Variants in SLC24A2 observed in about 807,000 individuals in gnomAD.
SLC24A2 encodes sodium/potassium/calcium exchanger 2.
SLC24A2 carries 36 observed loss-of-function variants against 62.0 expected under a neutral mutation model. That is an observed-to-expected ratio of 0.58 (90% CI 0.44 to 0.77). The LOEUF (loss-of-function observed/expected upper bound fraction) is 0.77. Among genes scored for constraint, SLC24A2 ranks in the 30% least tolerant of loss-of-function variants. SLC24A2 has a pLI of 0.00. For missense variants in SLC24A2, 846 were observed against 817.9 expected, an observed-to-expected ratio of 1.03 and a Z score of -0.42; for synonymous variants, 358 against 294.0, an observed-to-expected ratio of 1.22 and a Z score of -2.23.
chr9:20,074,072 G>A, the SLC24A2 span, among the ~76,000 whole-genome samples: 7 of 151,854 alleles, frequency 4.6e-5, no homozygotes. Context: ...TAGAAGCCTG[G>A]CATCAAAATC....
chr9:19,791,989 T>A (rs1823325011), upstream of SLC24A2, among the ~76,000 whole-genome samples: 1 of 152,214 alleles, frequency 6.6e-6, no homozygotes, highest in Non-Finnish European at 1.5e-5. Flanking sequence ...CTTTTTGTTT[T>A]GAAGAGGAGG....
intron 7 of SLC24A2, among the ~76,000 whole-genome samples, chr9:19,555,089 G>A (rs1304586489): frequency 6.6e-6 from 1 of 152,088 alleles, no homozygotes; most frequent in Non-Finnish European, 1.5e-5. Context: ...GGTGTTTATA[G>A]GAAATTCTGC....
the SLC24A2 span, among the ~76,000 whole-genome samples, chr9:20,135,910 T>A: frequency 6.6e-6 from 1 of 152,074 alleles, no homozygotes; most frequent in Non-Finnish European, 1.5e-5. Flanking sequence ...CCACTCAAAA[T>A]TGGTGTTGGA....
At chr9:19,567,813 G>A (rs900893735) in intron 7 of SLC24A2, among the ~76,000 whole-genome samples, 13 of 151,884 alleles carry the variant, frequency 8.6e-5, no homozygotes, top group African/African-American at 2.7e-4. Flanking sequence ...TGATCGCTCA[G>A]CCATTTAAAA....
At chr9:20,210,436 A>G in the SLC24A2 span, among the ~76,000 whole-genome samples, 4 of 152,122 alleles carry the variant, frequency 2.6e-5, no homozygotes, top group Non-Finnish European at 4.4e-5. Context: ...AAGGGAGAAG[A>G]AAAGATGGAC....
chr9:20,044,980 G>A, the SLC24A2 span, among the ~76,000 whole-genome samples: 1 of 152,104 alleles, frequency 6.6e-6, no homozygotes, highest in African/African-American at 2.4e-5. Context: ...CCATTTGAGA[G>A]CAGGAACCAT....
At chr9:19,794,734 G>A in the SLC24A2 span, among the ~76,000 whole-genome samples, 1 of 152,170 alleles carries the variant, frequency 6.6e-6, no homozygotes, top group South Asian at 2.1e-4. Context: ...GTCCCCCAGG[G>A]TGCTTCCTTG....
chr9:20,134,153 C>G, the SLC24A2 span, among the ~76,000 whole-genome samples: 2 of 152,108 alleles, frequency 1.3e-5, no homozygotes, highest in Non-Finnish European at 2.9e-5. Flanking sequence ...AAGAAAGCTT[C>G]CTATAGAAAA....
chr9:19,799,121 C>G, the SLC24A2 span, among the ~76,000 whole-genome samples: 3 of 151,980 alleles, frequency 2.0e-5, no homozygotes, highest in Admixed American at 6.6e-5. Flanking sequence ...TTTATTTCTA[C>G]TGTTTCTATT....
At chr9:20,307,682 C>T in the SLC24A2 span, among the ~76,000 whole-genome samples, 1 of 152,176 alleles carries the variant, frequency 6.6e-6, no homozygotes, top group African/African-American at 2.4e-5. Flanking sequence ...CTATAGTTGG[C>T]TCGGCCCCTT....
At chr9:19,852,969 G>C in the SLC24A2 span, among the ~76,000 whole-genome samples, 1 of 152,034 alleles carries the variant, frequency 6.6e-6, no homozygotes, top group South Asian at 2.1e-4. Context: ...TTTTCCATTT[G>C]TTTGTGTCCT....
At chr9:19,925,817 T>G in the SLC24A2 span, among the ~76,000 whole-genome samples, 2 of 152,214 alleles carry the variant, frequency 1.3e-5, no homozygotes, top group Non-Finnish European at 2.9e-5. Flanking sequence ...AAGTAACAAA[T>G]AGTCTTTATT....
intron 2 of SLC24A2, among the ~76,000 whole-genome samples, chr9:19,723,829 G>C (rs571008940): frequency 6.6e-6 from 1 of 151,870 alleles, no homozygotes; most frequent in East Asian, 1.9e-4. Flanking sequence ...CATACTTCAG[G>C]ACAGTAGTTA....
At chr9:19,782,102 C>T (rs1823035182) in intron 2 of SLC24A2, among the ~76,000 whole-genome samples, 2 of 152,202 alleles carry the variant, frequency 1.3e-5, no homozygotes, top group African/African-American at 4.8e-5. Flanking sequence ...TCATTAGAAC[C>T]AGGCCAACTT....
intron 2 of SLC24A2, among the ~76,000 whole-genome samples, chr9:19,630,889 C>G (rs1254478195): frequency 6.6e-6 from 1 of 152,194 alleles, no homozygotes; most frequent in East Asian, 1.9e-4. Flanking sequence ...ATCTGCTCTT[C>G]TTTCCCAAGA....
intron 8 of SLC24A2, among the ~76,000 whole-genome samples, chr9:19,529,473 C>A (rs1294201146): frequency 6.6e-6 from 1 of 152,066 alleles, no homozygotes; most frequent in Non-Finnish European, 1.5e-5. Context: ...TTAAATTTTA[C>A]CCCATACATT....
the SLC24A2 span, among the ~76,000 whole-genome samples, chr9:20,215,099 G>C: frequency 6.6e-6 from 1 of 152,308 alleles, no homozygotes; most frequent in East Asian, 1.9e-4. Context: ...CCAAGATCAA[G>C]GCGTTGGCAG....
chr9:20,134,561 T>C, the SLC24A2 span, among the ~76,000 whole-genome samples: 2 of 152,262 alleles, frequency 1.3e-5, no homozygotes, highest in South Asian at 2.1e-4. Flanking sequence ...AGTTTTAGAA[T>C]AGGGATTTAG....
chr9:20,244,494 C>T, the SLC24A2 span, among the ~76,000 whole-genome samples: 2 of 152,188 alleles, frequency 1.3e-5, no homozygotes, highest in Non-Finnish European at 2.9e-5. Flanking sequence ...GTGCAGCCCT[C>T]AGATCTGTCA....
Sources: gnomAD v4.1 joint callset for allele counts (sites outside exome capture counted in the v4.1 genomes callset) on GRCh38, gnomAD v4.1.1 for gene constraint, MANE v1.5 for transcripts, NCBI Gene and HGNC (gene_info 2026-07-23, HGNC 2026-07-21) for gene names.